The following PTPRN2 variants were observed in gnomAD, a reference collection of about 807,000 sequenced individuals.
The protein encoded by PTPRN2 is receptor-type tyrosine-protein phosphatase N2.
PTPRN2 carries 74 observed loss-of-function variants against 118.8 expected under a neutral mutation model. The ratio of observed to expected loss-of-function variants is 0.62; its 90% confidence interval spans 0.52 to 0.76. The LOEUF (loss-of-function observed/expected upper bound fraction) is 0.76, where lower values mean the gene tolerates loss of function less well. PTPRN2 is among the 30% of genes least tolerant of loss of function. PTPRN2 has a pLI of 0.00. For synonymous variants in PTPRN2, 641 were observed against 608.0 expected, an observed-to-expected ratio of 1.05 and a Z score of -0.80; for missense variants, 1,481 against 1,394.4, an observed-to-expected ratio of 1.06 and a Z score of -0.99.
At chr7:158,025,088 C>T (rs542831595) in intron 11 of PTPRN2, among the ~76,000 whole-genome samples, 1 of 152,224 alleles carries the variant, frequency 6.6e-6, no homozygotes, top group East Asian at 1.9e-4. Context: ...CAAACATGCA[C>T]TGGACAAAGA....
At chr7:158,503,069 TACTGTGTCCATCAGCC>T (rs1822488181) in intron 1 of PTPRN2, among the ~76,000 whole-genome samples, 1 of 147,236 alleles carries the variant, frequency 6.8e-6, no homozygotes. Flanking sequence ...GTCCATCAAC[TACTGTGTCCATCAGCC>T]ACTGTGTCCA....
At chr7:157,863,292 C>T (rs1190274970) in intron 12 of PTPRN2, 3 of 152,252 alleles carry the variant, frequency 2.0e-5, no homozygotes, top group Admixed American at 2.0e-4. Flanking sequence ...CCTGCTGTGC[C>T]ACAAAACCTT....
intron 10 of PTPRN2, among the ~76,000 whole-genome samples, chr7:158,098,066 G>C (rs1037657191): frequency 2.6e-5 from 4 of 152,118 alleles, no homozygotes; most frequent in Non-Finnish European, 5.9e-5. Context: ...CATTTGCCAA[G>C]TGTGTGCCCG....
intron 11 of PTPRN2, among the ~76,000 whole-genome samples, chr7:157,939,097 C>G (rs1302723476): frequency 6.6e-6 from 1 of 151,912 alleles, no homozygotes; most frequent in Non-Finnish European, 1.5e-5. Flanking sequence ...TTTCCAGCAC[C>G]CAAATTCCGA....
At chr7:157,819,633 C>T (rs988155486) in intron 12 of PTPRN2, among the ~76,000 whole-genome samples, 13 of 152,104 alleles carry the variant, frequency 8.5e-5, no homozygotes, top group Admixed American at 8.5e-4. Flanking sequence ...CGGCACAGCC[C>T]TCCCCACCCC....
rs1346671454 is a variant in PTPRN2 at position 157,674,035 on chromosome 7, C to T, written c.2001+8690G>A. 3.3e-5 allele frequency among the ~76,000 whole-genome samples: 5 copies of T among 152,160 alleles called. No individual in the cohort carries two copies. The highest frequency in any genetic ancestry group is 2.0e-4 in the Admixed American group (3 of 15,288). ...GGGTCAGCTCCAAGTTCAGCTATCC[C>T]GAGGTTCCAAGGCTGTCTGCCCACC... On this transcript the variant is annotated intron_variant, in intron 13 of 22. Transcript: ENST00000389418. The surrounding 1 kb of genome is among the most constrained non-coding windows in gnomAD (Gnocchi z 4.5).
rs1388650463 is a variant in PTPRN2, at chr7:158,546,489, C to T, written c.112+41069G>A. 6.6e-6 allele frequency among the ~76,000 whole-genome samples: 1 copy of T among 152,204 alleles called. No individual in the cohort carries two copies. The highest frequency in any genetic ancestry group is 1.5e-5 in the Non-Finnish European group (1 of 68,032). On this transcript the variant is annotated intron_variant, in intron 1 of 22. Coordinates refer to ENST00000389418, the MANE Select transcript of PTPRN2 (RefSeq NM_002847.5). This position sits in a 1 kb window ranked among gnomAD's most constrained non-coding sequence, Gnocchi z 5.0. ...CGGAGGCAAGCCCCAGTGTCCCAGG[C>T]GCCATGATGTCTAAGTGACTATAGG... is the stretch of plus-strand genomic sequence containing the variant.
rs34737757 is a variant in PTPRN2, at chr7:158,058,323, G to A, written c.1723+22975C>T. On this transcript the variant is annotated intron_variant, in intron 11 of 22. Coordinates refer to ENST00000389418, the MANE Select transcript of PTPRN2 (RefSeq NM_002847.5). ...CTGCAGCCACACTCCATCTGCCCAC[G>A]GTGAGACATCACTACAGCCACGCTC... Among the ~76,000 whole-genome samples, 710 of 126,382 alleles carry A rather than the reference G, an allele frequency of 5.6e-3. 17 individuals carry two copies. Among genetic ancestry groups the A allele is most frequent in the African/African-American group, 0.021 (657 of 31,252 alleles). 82.9% of individuals were successfully genotyped at this position (126,382 alleles called of 152,430 possible).
intron 9 of PTPRN2, among the ~76,000 whole-genome samples, chr7:158,132,557 GAC>G (rs1818440961): frequency 6.7e-6 from 1 of 148,316 alleles, no homozygotes; most frequent in Non-Finnish European, 1.5e-5. Flanking sequence ...TGCATACACA[GAC>G]ATCTATCCAA....
chr7:158,558,097 G>A (rs1827164293), intron 1 of PTPRN2, among the ~76,000 whole-genome samples: 1 of 152,064 alleles, frequency 6.6e-6, no homozygotes, highest in Non-Finnish European at 1.5e-5. Context: ...GGATCCTCCT[G>A]CCTCAGCCTC....
chr7:158,268,393 G>A (rs896787820), intron 3 of PTPRN2, among the ~76,000 whole-genome samples: 11 of 136,402 alleles, frequency 8.1e-5, no homozygotes, highest in Admixed American at 1.5e-4. Context: ...TATCCCAGCC[G>A]CACGCACACA....
intron 11 of PTPRN2, among the ~76,000 whole-genome samples, chr7:157,909,707 C>G (rs1360539177): frequency 6.6e-6 from 1 of 152,264 alleles, no homozygotes. Flanking sequence ...CATCCCATCA[C>G]CTGTCTGTGC....
At chr7:158,072,980 A>G (rs1218839371) in intron 11 of PTPRN2, among the ~76,000 whole-genome samples, 1 of 152,128 alleles carries the variant, frequency 6.6e-6, no homozygotes, top group Non-Finnish European at 1.5e-5. Context: ...CCTGCCCAAG[A>G]TGGCCCAGGC....
chr7:157,782,086 G>C (rs1226243891), intron 12 of PTPRN2, among the ~76,000 whole-genome samples: 4 of 152,244 alleles, frequency 2.6e-5, no homozygotes, highest in African/African-American at 9.6e-5. Flanking sequence ...GAATAGACCT[G>C]GGCTGGCTTT....
At chr7:158,276,333 CGCACCCCGGCCCCG>C in intron 3 of PTPRN2, among the ~76,000 whole-genome samples, 1 of 68,752 alleles carries the variant, frequency 1.5e-5, no homozygotes, top group Admixed American at 1.5e-4. Flanking sequence ...GTATCACCCC[CGCACCCCGGCCCCG>C]ACAGGCTGTA....
In PTPRN2 at chr7:157,903,300, G is replaced by T. The variant is rs148451575; in HGVS notation, c.1724-4563C>A. Among the ~76,000 whole-genome samples, 1 of 152,182 alleles carries T rather than the reference G, an allele frequency of 6.6e-6. No individual in the cohort carries two copies. Among genetic ancestry groups the T allele is most frequent in the East Asian group, 1.9e-4 (1 of 5,174 alleles). On this transcript the variant is annotated intron_variant, in intron 11 of 22. Coordinates refer to ENST00000389418, the MANE Select transcript of PTPRN2 (RefSeq NM_002847.5). The surrounding 1 kb of genome is among the most constrained non-coding windows in gnomAD (Gnocchi z 4.2). ...TGTGAGAGGGAGGTGGGAGAAAAGG[G>T]CTGAAACTCCCTCTGGGGGACGTGC...
intron 3 of PTPRN2, among the ~76,000 whole-genome samples, chr7:158,244,639 C>G (rs1281304991): frequency 2.0e-5 from 3 of 146,478 alleles, no homozygotes; most frequent in Non-Finnish European, 4.5e-5. Flanking sequence ...TGTGAGCTGA[C>G]TTGTGATTGT....
intron 2 of PTPRN2, among the ~76,000 whole-genome samples, chr7:158,416,649 G>C (rs942725017): frequency 3.3e-5 from 5 of 152,126 alleles, no homozygotes; most frequent in Admixed American, 3.3e-4. Flanking sequence ...AAAAGGGATG[G>C]TGCTGGAAGT....
At chr7:158,407,130 GGTCCTGCGTCCTGC>G (rs1563254067) in intron 2 of PTPRN2, among the ~76,000 whole-genome samples, 3 of 146,192 alleles carry the variant, frequency 2.1e-5, no homozygotes, top group African/African-American at 2.5e-5. Context: ...CTGGGTCCTG[GGTCCTGCGTCCTGC>G]GTCCTGGGTC....
Sources: gnomAD v4.1 joint callset for allele counts (sites outside exome capture counted in the v4.1 genomes callset) on GRCh38, gnomAD v4.1.1 for gene constraint, Gnocchi (gnomAD v3.1) non-coding constraint, MANE v1.5 for transcripts, NCBI Gene and HGNC (gene_info 2026-07-23, HGNC 2026-07-21) for gene names.